Variants in TAFA2 observed in about 807,000 individuals in gnomAD.
The protein encoded by TAFA2 is TAFA chemokine like family member 2.
A neutral mutation model predicts 18.8 loss-of-function variants in TAFA2; 7 were observed. The ratio of observed to expected loss-of-function variants is 0.37; its 90% CI spans 0.21 to 0.70. The LOEUF (loss-of-function observed/expected upper bound fraction) is 0.70, where lower values mean the gene tolerates loss of function less well. TAFA2 is among the 30% of genes least tolerant of loss of function. The pLI is 0.53. For missense variants in TAFA2, 122 were observed against 158.1 expected (o/e 0.77, Z 1.23); for synonymous variants, 60 against 54.2 (o/e 1.11, Z -0.47).
At chr12:61,771,790 A>G (rs1305751522) in intron 2 of TAFA2, among the ~76,000 whole-genome samples, 1 of 151,880 alleles carries the variant, frequency 6.6e-6, no homozygotes, top group East Asian at 1.9e-4. Context: ...GAAAGAGCAC[A>G]AATAAGCAAT....
chr12:62,159,480 G>A (rs2062392115), intron 1 of TAFA2, among the ~76,000 whole-genome samples: 1 of 152,162 alleles, frequency 6.6e-6, no homozygotes, highest in Admixed American at 6.5e-5. Context: ...AAAAGGAACA[G>A]ACTGTTCCTT....
At chr12:61,760,939 CCTA>C (rs1869518845) in intron 2 of TAFA2, among the ~76,000 whole-genome samples, 1 of 151,878 alleles carries the variant, frequency 6.6e-6, no homozygotes, top group East Asian at 1.9e-4. Flanking sequence ...AGTATTCCCT[CCTA>C]CTTTTTTGTG....
intron 1 of TAFA2, among the ~76,000 whole-genome samples, chr12:62,028,069 A>G (rs907516171): frequency 5.3e-5 from 8 of 152,118 alleles, no homozygotes; most frequent in Admixed American, 2.6e-4. Context: ...GTTGAGTTCA[A>G]TTTTCATGGG....
intron 1 of TAFA2, among the ~76,000 whole-genome samples, chr12:62,126,295 T>C (rs1182431687): frequency 6.6e-6 from 1 of 152,104 alleles, no homozygotes; most frequent in Non-Finnish European, 1.5e-5. Flanking sequence ...TTTAATACAA[T>C]GTGCCAAGTG....
intron 1 of TAFA2, among the ~76,000 whole-genome samples, chr12:61,902,400 T>C (rs73310216): frequency 0.018 from 2,779 of 152,316 alleles, 81 homozygotes; most frequent in African/African-American, 0.063. Context: ...CTATCTCCTG[T>C]GCTAGAGTTA....
chr12:61,866,906 A>AT (rs199725065), intron 2 of TAFA2, among the ~76,000 whole-genome samples: 41 of 150,426 alleles, frequency 2.7e-4, no homozygotes, highest in South Asian at 1.3e-3. Context: ...TTATTTTTTT[A>AT]TTTTTTTTTC....
intron 1 of TAFA2, among the ~76,000 whole-genome samples, chr12:62,211,570 G>T (rs1331374794): frequency 1.7e-5 from 2 of 114,744 alleles, no homozygotes; most frequent in African/African-American, 6.8e-5. Context: ...ACAGAGCGAG[G>T]CTCCGTCTCA....
chr12:62,005,244 A>C (rs1055327899), intron 1 of TAFA2, among the ~76,000 whole-genome samples: 1 of 152,104 alleles, frequency 6.6e-6, no homozygotes, highest in Non-Finnish European at 1.5e-5. Flanking sequence ...TGACTGTAGT[A>C]ATCATTTCTT....
intron 1 of TAFA2, among the ~76,000 whole-genome samples, chr12:61,963,478 G>A (rs1394047281): frequency 6.6e-6 from 1 of 151,856 alleles, no homozygotes; most frequent in Non-Finnish European, 1.5e-5. Flanking sequence ...ATGTTTGTTG[G>A]CTGCATAAAT....
chr12:61,709,656 T>C lies in TAFA2; in HGVS notation c.*750A>G, dbSNP rs112044206. The C allele has an allele frequency of 3.7e-4, 57 of 152,052 alleles. No individual in the cohort carries two copies. The highest frequency in any genetic ancestry group is 1.4e-3 in the African/African-American group (57 of 41,534). The allele number at this position is 152,052 out of a possible 1,614,324, so 9.4% of individuals were successfully genotyped here. A position where few individuals can be genotyped will look rare whatever the true frequency, so the allele number is the denominator to read the frequency against. ...GGGAGAGTGCTCTAGAGGTACAAAG[T>C]ATTATATAATGAAAATGGCAATCCA... is the stretch of plus-strand genomic sequence containing the variant. On this transcript the variant is annotated 3_prime_UTR_variant, in exon 5 of 5. Coordinates refer to ENST00000416284, the MANE Select transcript of TAFA2 (RefSeq NM_178539.5).
At chr12:62,002,223 C>T (rs1880402635) in intron 1 of TAFA2, among the ~76,000 whole-genome samples, 1 of 152,152 alleles carries the variant, frequency 6.6e-6, no homozygotes, top group Admixed American at 6.5e-5. Context: ...ATAAATATTT[C>T]TAGATTTATT....
chr12:61,760,300 T>A (rs1410793879), intron 2 of TAFA2, among the ~76,000 whole-genome samples: 1 of 148,056 alleles, frequency 6.8e-6, no homozygotes, highest in Admixed American at 6.9e-5. Context: ...GATAGATAGA[T>A]GATAGATAGA....
At chr12:61,852,206 CA>C (rs200785282) in intron 2 of TAFA2, among the ~76,000 whole-genome samples, 25,713 of 83,112 alleles carry the variant, frequency 0.31, 2,894 homozygotes, top group African/African-American at 0.47. Context: ...AACTTCGTCT[CA>C]AAAAAAAAAA....
intron 2 of TAFA2, among the ~76,000 whole-genome samples, chr12:61,839,772 A>G (rs1276684314): frequency 6.6e-6 from 1 of 152,096 alleles, no homozygotes; most frequent in African/African-American, 2.4e-5. Context: ...ATCAGGTACT[A>G]TGTTCACTAC....
chr12:62,188,145 T>C (rs1349742183), intron 1 of TAFA2, among the ~76,000 whole-genome samples: 2 of 152,162 alleles, frequency 1.3e-5, no homozygotes, highest in African/African-American at 2.4e-5. Flanking sequence ...GCCCTACTAA[T>C]AACAGGTTGA....
chr12:61,758,810 T>G (rs925826761), intron 2 of TAFA2, among the ~76,000 whole-genome samples: 8 of 151,954 alleles, frequency 5.3e-5, no homozygotes, highest in Non-Finnish European at 1.0e-4. Context: ...ATGCTTGGAC[T>G]TCTGAGAGTG....
chr12:61,743,595 G>A (rs1409397302), intron 4 of TAFA2, among the ~76,000 whole-genome samples: 1 of 151,944 alleles, frequency 6.6e-6, no homozygotes, highest in Non-Finnish European at 1.5e-5. Context: ...CTAAAGTAAA[G>A]CTCAACACCA....
chr12:61,971,891 A>T (rs897674087), intron 1 of TAFA2, among the ~76,000 whole-genome samples: 5 of 151,744 alleles, frequency 3.3e-5, no homozygotes, highest in Admixed American at 2.6e-4. Context: ...ACAGTAATCA[A>T]AATGCATTGA....
Position 61,978,860 on chromosome 12 carries a change from G to A in TAFA2, c.-1-111434C>T, listed in dbSNP as rs1007544289. Among the ~76,000 whole-genome samples the A allele has an allele frequency of 1.6e-4, 24 of 152,122 alleles. No individual in the cohort carries two copies. The East Asian group carries it at 3.9e-3, about 25-fold the overall frequency. On this transcript the variant is annotated intron_variant, in intron 1 of 4. Coordinates refer to ENST00000416284, the MANE Select transcript of TAFA2 (RefSeq NM_178539.5). ...CAAGTGAGCAGTAGCTATCATGGCCGATTCTTGCCAATGTTGCCTACATTT... is the reference window on the plus strand; with the variant it reads ...CAAGTGAGCAGTAGCTATCATGGCCAATTCTTGCCAATGTTGCCTACATTT...
Sources: allele counts gnomAD v4.1 joint callset (sites outside exome capture counted in the v4.1 genomes callset), GRCh38; gene constraint gnomAD v4.1.1; transcripts MANE v1.5; gene names NCBI Gene and HGNC (gene_info 2026-07-23, HGNC 2026-07-21).